Variants in ABHD2 observed in about 807,000 individuals in gnomAD.
The protein encoded by ABHD2 is monoacylglycerol lipase ABHD2.
Under a neutral mutation model 48.1 loss-of-function variants are expected in ABHD2, and 20 were observed. The observed-to-expected ratio is 0.42, with a 90% CI of 0.29 to 0.60. ABHD2 has a LOEUF of 0.60. Among genes scored for constraint, ABHD2 ranks in the 20% least tolerant of loss-of-function variants. The probability of loss-of-function intolerance (pLI) is 0.24; values close to 1 mark genes in which losing one functional copy is unlikely to be tolerated. For synonymous variants in ABHD2, 209 were observed against 214.2 expected (o/e 0.98, Z 0.21); for missense variants, 405 against 550.9 (o/e 0.74, Z 2.65).
Position 89,191,658 on chromosome 15 carries a change from C to T in ABHD2, c.996+509C>T, listed in dbSNP as rs375007980. 6.3e-5 allele frequency among the ~76,000 whole-genome samples: 9 copies of T among 143,730 alleles called. No homozygotes were observed. The East Asian group carries it at 1.6e-3, about 26-fold the overall frequency. 94.3% of individuals were successfully genotyped at this position (143,730 alleles called of 152,430 possible). ...TTTTTTTTTTTTTGAGATGGAGTCT[C>T]GCTCTGTCGCCCAGGCTGGAGTGCA... On this transcript the variant is annotated intron_variant, in intron 9 of 10. Transcript: ENST00000352732.
At chr15:89,117,936 C>T (rs1470477115) in intron 3 of ABHD2, among the ~76,000 whole-genome samples, 1 of 152,140 alleles carries the variant, frequency 6.6e-6, no homozygotes, top group African/African-American at 2.4e-5. Context: ...GATGTCATGA[C>T]CCCAAGTCAA....
Position 89,174,904 on chromosome 15 carries a change from C to A in ABHD2, c.539-908C>A, listed in dbSNP as rs946183300. The stretch of plus-strand genomic sequence containing the variant: ...GGGACACCAGCTGAGATCATCTCTC[C>A]TGGGCAAATGAGGCCCAAACAACCC... On this transcript the variant is annotated intron_variant, in intron 5 of 10. Coordinates refer to ENST00000352732, the MANE Select transcript of ABHD2 (RefSeq NM_152924.5). The surrounding 1 kb of genome is among the most constrained non-coding windows in gnomAD (Gnocchi z 4.1). Among the ~76,000 whole-genome samples, 1 of 152,194 alleles carries A rather than the reference C, an allele frequency of 6.6e-6. No homozygotes were observed. Among genetic ancestry groups the A allele is most frequent in the African/African-American group, 2.4e-5 (1 of 41,450 alleles).
intron 6 of ABHD2, among the ~76,000 whole-genome samples, chr15:89,180,574 ACT>A (rs1313442601): frequency 6.6e-6 from 1 of 151,986 alleles, no homozygotes; most frequent in African/African-American, 2.4e-5. Context: ...CTACAGATTG[ACT>A]CTGCCCCTGA....
chr15:89,183,382 A>ATATAGATATAT (rs57264552), intron 6 of ABHD2: 10 of 55,566 alleles, frequency 1.8e-4, no homozygotes, highest in African/African-American at 1.0e-3. Flanking sequence ...AAAAAAAAAA[A>ATATAGATATAT]AAATATATAT....
At chr15:89,147,916 A>G (rs1336589321) in intron 3 of ABHD2, among the ~76,000 whole-genome samples, 2 of 151,462 alleles carry the variant, frequency 1.3e-5, no homozygotes. Flanking sequence ...CAGGAGTTCA[A>G]GACCAGCCTG....
In ABHD2 at chr15:89,167,021, G is replaced by C. The variant is rs529390440; in HGVS notation, c.539-8791G>C. On this transcript the variant is annotated intron_variant, in intron 5 of 10. Transcript: ENST00000352732. The surrounding 1 kb of genome is among the most constrained non-coding windows in gnomAD (Gnocchi z 5.5). The stretch of plus-strand genomic sequence containing the variant: ...CATAACTTTATTAATAACTGCATCA[G>C]AACAATACATTCCAGGACCCTCTTG... 6.6e-6 allele frequency among the ~76,000 whole-genome samples: 1 copy of C among 152,252 alleles called. No homozygotes were observed. The highest frequency in any genetic ancestry group is 2.1e-4 in the South Asian group (1 of 4,820).
At chr15:89,076,354 T>G in the ABHD2 span, among the ~76,000 whole-genome samples, 1 of 152,244 alleles carries the variant, frequency 6.6e-6, no homozygotes, top group Non-Finnish European at 1.5e-5. Context: ...CAGACATTCT[T>G]TCATCCATCA....
upstream of ABHD2, chr15:89,087,273 T>A (rs950400336): frequency 2.0e-5 from 3 of 152,268 alleles, no homozygotes; most frequent in African/African-American, 7.2e-5. This position sits in a 1 kb window ranked among gnomAD's most constrained non-coding sequence, Gnocchi z 5.5. Context: ...TGAAATATGT[T>A]GGGAAAAATT....
At chr15:89,138,684 C>G (rs1176036441) in intron 3 of ABHD2, among the ~76,000 whole-genome samples, 1 of 152,060 alleles carries the variant, frequency 6.6e-6, no homozygotes, top group Admixed American at 6.5e-5. Flanking sequence ...ATTCAGTTTT[C>G]AATTTGAAGA....
At chr15:89,108,891 C>T (rs746600864) in intron 1 of ABHD2, among the ~76,000 whole-genome samples, 12 of 152,186 alleles carry the variant, frequency 7.9e-5, no homozygotes, top group Non-Finnish European at 1.3e-4. Flanking sequence ...GCTCTTTAGC[C>T]GAGGACCGCA....
chr15:89,140,569 T>A (rs573560879), intron 3 of ABHD2, among the ~76,000 whole-genome samples: 47 of 152,194 alleles, frequency 3.1e-4, no homozygotes, highest in Middle Eastern at 3.4e-3. Context: ...CTCTACAGAT[T>A]GAGAGAGAGA....
the ABHD2 span, among the ~76,000 whole-genome samples, chr15:89,051,656 A>G: frequency 6.6e-6 from 1 of 152,198 alleles, no homozygotes; most frequent in Non-Finnish European, 1.5e-5. Flanking sequence ...GTGATAGTGA[A>G]GAAGTCTCAC....
chr15:89,181,228 C>CAAAAA (rs61411388), intron 6 of ABHD2, among the ~76,000 whole-genome samples: 2,046 of 69,042 alleles, frequency 0.03, 420 homozygotes, highest in Admixed American at 0.11. Context: ...GACTCTGTCT[C>CAAAAA]AAAAAAAAAA....
intron 3 of ABHD2, among the ~76,000 whole-genome samples, chr15:89,121,458 CT>C (rs372991470): frequency 0.052 from 7,470 of 143,690 alleles, 264 homozygotes; most frequent in African/African-American, 0.1. Context: ...CTCCCTTTGG[CT>C]TTTTTTTTTT....
At chr15:89,160,829 A>C (rs953569554) in intron 5 of ABHD2, among the ~76,000 whole-genome samples, 5 of 152,218 alleles carry the variant, frequency 3.3e-5, no homozygotes, top group Admixed American at 1.3e-4. Flanking sequence ...GTCAAAGTAC[A>C]GTACACGACC....
the ABHD2 span, among the ~76,000 whole-genome samples, chr15:89,079,327 A>G: frequency 6.6e-6 from 1 of 152,106 alleles, no homozygotes; most frequent in Non-Finnish European, 1.5e-5. This position sits in a 1 kb window ranked among gnomAD's most constrained non-coding sequence, Gnocchi z 4.3. Flanking sequence ...TTCCTCTCTA[A>G]AGTCCTGAAA....
At chr15:89,098,098 T>C (rs2049642545) in intron 1 of ABHD2, among the ~76,000 whole-genome samples, 1 of 152,286 alleles carries the variant, frequency 6.6e-6, no homozygotes, top group Non-Finnish European at 1.5e-5. Flanking sequence ...CAGGCTGGTC[T>C]CAAATTCCTG....
chr15:89,165,851 T>A (rs920826934), intron 5 of ABHD2, among the ~76,000 whole-genome samples: 6 of 152,238 alleles, frequency 3.9e-5, no homozygotes, highest in African/African-American at 1.4e-4. Flanking sequence ...TGTCAGTGAT[T>A]CTGTAGGGGC....
At chr15:89,180,394 C>T (rs1033474767) in intron 6 of ABHD2, among the ~76,000 whole-genome samples, 2 of 152,152 alleles carry the variant, frequency 1.3e-5, no homozygotes, top group Non-Finnish European at 2.9e-5. Flanking sequence ...AGGTGGCCAT[C>T]CCTACTCTAG....
Sources: gnomAD v4.1 joint callset for allele counts (sites outside exome capture counted in the v4.1 genomes callset) on GRCh38, gnomAD v4.1.1 for gene constraint, Gnocchi (gnomAD v3.1) non-coding constraint, MANE v1.5 for transcripts, NCBI Gene and HGNC (gene_info 2026-07-23, HGNC 2026-07-21) for gene names.